MEIKIN: variants seen among roughly 807,000 people sequenced by gnomAD.
MEIKIN encodes meiotic kinetochore factor.
chr5:131,852,257 C>T (rs897843903), intron 10 of MEIKIN, among the ~76,000 whole-genome samples: 5 of 151,990 alleles, frequency 3.3e-5, no homozygotes, highest in African/African-American at 1.2e-4. Flanking sequence ...AGTGAGTTTT[C>T]CCGAGATCTG....
chr5:131,889,569 G>A (rs919454177), intron 8 of MEIKIN, among the ~76,000 whole-genome samples: 3 of 152,222 alleles, frequency 2.0e-5, no homozygotes, highest in African/African-American at 4.8e-5. Context: ...TTTGTATCTT[G>A]AGACTTTGCT....
chr5:131,816,697 G>T (rs1051420581), intron 12 of MEIKIN, among the ~76,000 whole-genome samples: 3 of 152,056 alleles, frequency 2.0e-5, no homozygotes, highest in African/African-American at 4.8e-5. Context: ...TCTTTTGTAG[G>T]ATCCTGACAA....
intron 11 of MEIKIN, among the ~76,000 whole-genome samples, chr5:131,831,225 A>G (rs1749710889): frequency 6.6e-6 from 1 of 152,194 alleles, no homozygotes; most frequent in African/African-American, 2.4e-5. Flanking sequence ...GTTTGGATTC[A>G]TCACTCTCCT....
At chr5:131,826,891 ATCC>A (rs1455249082) in intron 11 of MEIKIN, among the ~76,000 whole-genome samples, 5 of 152,248 alleles carry the variant, frequency 3.3e-5, no homozygotes, top group African/African-American at 1.2e-4. Flanking sequence ...CTCAGGTAGT[ATCC>A]TTATAGCAGT....
intron 5 of MEIKIN, among the ~76,000 whole-genome samples, chr5:131,923,192 T>C (rs555904394): frequency 2.0e-5 from 3 of 152,276 alleles, no homozygotes; most frequent in South Asian, 4.1e-4. Flanking sequence ...CTGGTCCCTC[T>C]ATATTTTTAA....
At chr5:131,832,007 C>T (rs111247341) in intron 11 of MEIKIN, among the ~76,000 whole-genome samples, 13,991 of 152,004 alleles carry the variant, frequency 0.092, 1,483 homozygotes, top group African/African-American at 0.26. Context: ...TCATTCCACC[C>T]CTGGCCCCTC....
At chr5:131,874,537 T>C (rs1278526787) in intron 9 of MEIKIN, among the ~76,000 whole-genome samples, 2 of 152,184 alleles carry the variant, frequency 1.3e-5, no homozygotes, top group Non-Finnish European at 2.9e-5. Flanking sequence ...CAGGACCAGA[T>C]GGATTCACAG....
chr5:131,923,617 T>G (rs909441188), intron 5 of MEIKIN, among the ~76,000 whole-genome samples: 2 of 151,872 alleles, frequency 1.3e-5, no homozygotes, highest in African/African-American at 4.8e-5. Context: ...GCTTTTGCAC[T>G]TCATTGTTCT....
chr5:131,836,595 T>A (rs1156856037), intron 11 of MEIKIN, among the ~76,000 whole-genome samples: 1 of 152,240 alleles, frequency 6.6e-6, no homozygotes, highest in African/African-American at 2.4e-5. Context: ...CCATTCTAAC[T>A]GGTGTGAGAT....
chr5:131,835,973 G>C lies in MEIKIN; in HGVS notation c.975+15291C>G, dbSNP rs149432864. 1.6e-3 allele frequency among the ~76,000 whole-genome samples: 241 copies of C among 152,232 alleles called. 1 individual carries two copies. Among genetic ancestry groups the C allele is most frequent in the African/African-American group, 5.6e-3 (231 of 41,542 alleles). On this transcript the variant is annotated intron_variant, in intron 11 of 12. Coordinates refer to ENST00000442687, the MANE Select transcript of MEIKIN (RefSeq NM_001303622.2). ...AGGTAAACCCATATCATGGGGGTTTGTTGCACAGATTATTTTGTCATCCAG... is the reference window on the plus strand; with the variant it reads ...AGGTAAACCCATATCATGGGGGTTTCTTGCACAGATTATTTTGTCATCCAG...
intron 11 of MEIKIN, among the ~76,000 whole-genome samples, chr5:131,846,327 T>C (rs1750022576): frequency 6.6e-6 from 1 of 152,142 alleles, no homozygotes; most frequent in African/African-American, 2.4e-5. Context: ...TGAAGTTGTA[T>C]GAAGAAATGA....
intron 8 of MEIKIN, among the ~76,000 whole-genome samples, chr5:131,911,520 G>A (rs893741747): frequency 2.7e-5 from 4 of 150,862 alleles, no homozygotes; most frequent in South Asian, 2.1e-4. Context: ...AATCTACAAG[G>A]GGAGGAAAAG....
chr5:131,943,206 AT>A (rs1401213572), intron 3 of MEIKIN, among the ~76,000 whole-genome samples: 4 of 152,322 alleles, frequency 2.6e-5, no homozygotes, highest in South Asian at 2.1e-4. Flanking sequence ...GAGAAAAAAA[AT>A]ATCGACTTCC....
chr5:131,896,773 T>C (rs199568998), intron 8 of MEIKIN, among the ~76,000 whole-genome samples: 1 of 152,176 alleles, frequency 6.6e-6, no homozygotes, highest in Non-Finnish European at 1.5e-5. Context: ...GCCTATGTGT[T>C]TCTCTGCACA....
At chr5:131,839,043 C>A (rs184839963) in intron 11 of MEIKIN, among the ~76,000 whole-genome samples, 1 of 152,062 alleles carries the variant, frequency 6.6e-6, no homozygotes, top group East Asian at 1.9e-4. Flanking sequence ...GAGATTCTGG[C>A]ATGTTTTATC....
chr5:131,914,568 A>G, intron 7 of MEIKIN, among the ~76,000 whole-genome samples: 2 of 48,188 alleles, frequency 4.2e-5, no homozygotes, highest in African/African-American at 1.7e-4. Flanking sequence ...GGGAAGGGGG[A>G]AGAGAAGGGA....
At chr5:131,902,361 A>T (rs994845663) in intron 8 of MEIKIN, among the ~76,000 whole-genome samples, 4 of 152,058 alleles carry the variant, frequency 2.6e-5, no homozygotes, top group Non-Finnish European at 5.9e-5. Flanking sequence ...TGAACCTGGG[A>T]GGTGGAGGTT....
At chr5:131,856,245 T>C (rs770046160) in intron 9 of MEIKIN, among the ~76,000 whole-genome samples, 1 of 152,302 alleles carries the variant, frequency 6.6e-6, no homozygotes, top group Admixed American at 6.5e-5. Context: ...TTACAAATAA[T>C]ATATGTAAAA....
chr5:131,814,671 G>T (rs1379909421), intron 12 of MEIKIN, among the ~76,000 whole-genome samples: 1 of 152,212 alleles, frequency 6.6e-6, no homozygotes, highest in Non-Finnish European at 1.5e-5. Context: ...TCTTAGCAGA[G>T]GAGGATTTTA....
Sources: allele counts gnomAD v4.1 joint callset (sites outside exome capture counted in the v4.1 genomes callset), GRCh38; gene constraint gnomAD v4.1.1; transcripts MANE v1.5; gene names NCBI Gene and HGNC (gene_info 2026-07-23, HGNC 2026-07-21).